The following FBN1 variants were observed in gnomAD, a reference collection of about 807,000 sequenced individuals.
FBN1 encodes the protein fibrillin-1.
FBN1 carries 29 observed loss-of-function variants against 365.1 expected under a neutral mutation model. The ratio of observed to expected loss-of-function variants is 0.08; its 90% confidence interval spans 0.06 to 0.11. FBN1 has a LOEUF of 0.11. FBN1 is among the 10% of genes least tolerant of loss of function. The pLI, the probability that FBN1 is intolerant of heterozygous loss-of-function variation, is 1.00. For missense variants in FBN1, 2,476 were observed against 3,703.2 expected, an observed-to-expected ratio of 0.67 and a Z score of 8.60; for synonymous variants, 1,210 against 1,270.5, an observed-to-expected ratio of 0.95 and a Z score of 1.01.
In FBN1 at chr15:48,456,869, T is replaced by TGTGTGTGTGTGTGC. The variant is rs371116530; in HGVS notation, c.5297-108_5297-107insGCACACACACACAC. On this transcript the variant is annotated intron_variant, in intron 43 of 65. Coordinates refer to ENST00000316623, the MANE Select transcript of FBN1 (RefSeq NM_000138.5). ...GTGTGTGTGTGTGTGTGTGTGTGTG[T>TGTGTGTGTGTGTGC]GTGCGTGCATGTGTTGGGGTGGTGG... 9.8e-5 allele frequency: 107 copies of TGTGTGTGTGTGTGC among 1,086,534 alleles called. No individual in the cohort carries two copies. The Middle Eastern group carries it at 3.3e-3, about 34-fold the overall frequency. 67.3% of individuals were successfully genotyped at this position (1,086,534 alleles called of 1,614,324 possible). A position where few individuals can be genotyped will look rare whatever the true frequency, so the allele number is the denominator to read the frequency against.
intron 2 of FBN1, among the ~76,000 whole-genome samples, chr15:48,629,232 T>A (rs1242511592): frequency 1.3e-5 from 2 of 152,230 alleles, no homozygotes; most frequent in African/African-American, 4.8e-5. Flanking sequence ...TATTTTGGAT[T>A]TACACCCTGG....
In FBN1 at chr15:48,644,643, T is replaced by C. The variant is rs751270801; in HGVS notation, c.127A>G (p.Lys43Glu). 1.2e-6 allele frequency: 2 copies of C among 1,614,000 alleles called. No homozygotes were observed. Among genetic ancestry groups the C allele is most frequent in the Non-Finnish European group, 1.7e-6 (2 of 1,180,016 alleles). ...NVKETRASRA[K>E]RRGGGGHDAL... ...TCGTGTCCTCCACCGCCTCTTCTCT[T>C]GGCCCGACTGGCTCTGGTTTCCTTC... is the stretch of plus-strand genomic sequence containing the variant. The change falls in exon 2 of 66, where the codon AAG becomes GAG. Residue 43 changes from lysine to glutamate, a missense_variant. By Grantham distance (56) the Lys-to-Glu change is moderately conservative. This residue lies in a region of FBN1 where 76 missense variants were observed against 85.4 expected (regional missense o/e 0.89). Transcript: ENST00000316623.
chr15:48,587,015 A>C (rs1234270209), intron 6 of FBN1, among the ~76,000 whole-genome samples: 2 of 152,164 alleles, frequency 1.3e-5, no homozygotes, highest in Admixed American at 6.5e-5. Flanking sequence ...GAGCTAACAA[A>C]CCCGATGCCT....
chr15:48,561,241 T>G (rs1037418668), intron 6 of FBN1, among the ~76,000 whole-genome samples: 1 of 152,218 alleles, frequency 6.6e-6, no homozygotes, highest in Admixed American at 6.5e-5. Flanking sequence ...CTCTGCCCTT[T>G]GGAAATGTTC....
chr15:48,456,341 A>G (rs1481988432), intron 44 of FBN1, among the ~76,000 whole-genome samples: 2 of 152,180 alleles, frequency 1.3e-5, no homozygotes, highest in African/African-American at 2.4e-5. Context: ...AACGAAAGCA[A>G]TCTATGTGAC....
At chr15:48,534,663 G>A (rs1447343791) in intron 7 of FBN1, among the ~76,000 whole-genome samples, 1 of 152,218 alleles carries the variant, frequency 6.6e-6, no homozygotes, top group Non-Finnish European at 1.5e-5. Flanking sequence ...GAGTGATTTA[G>A]TTAAAACGGA....
intron 4 of FBN1, among the ~76,000 whole-genome samples, chr15:48,608,215 T>C (rs533236345): frequency 9.8e-5 from 15 of 152,350 alleles, no homozygotes; most frequent in African/African-American, 3.4e-4. Flanking sequence ...ATTCTGTTCA[T>C]ATTCAAGTGG....
intron 44 of FBN1, among the ~76,000 whole-genome samples, chr15:48,452,927 A>C (rs1454793523): frequency 6.6e-6 from 1 of 152,224 alleles, no homozygotes; most frequent in African/African-American, 2.4e-5. Flanking sequence ...AGCACTAAAA[A>C]GAAATGAGCT....
At chr15:48,519,516 T>C (rs73394218) in intron 10 of FBN1, among the ~76,000 whole-genome samples, 2,715 of 152,318 alleles carry the variant, frequency 0.018, 68 homozygotes, top group African/African-American at 0.058. Context: ...GCCATAGTGA[T>C]AGTACCAGCC....
intron 6 of FBN1, among the ~76,000 whole-genome samples, chr15:48,573,412 A>T (rs571495525): frequency 6.6e-6 from 1 of 152,312 alleles, no homozygotes; most frequent in African/African-American, 2.4e-5. Flanking sequence ...ATCACAACAG[A>T]ATATAATAAA....
rs1404666140 is a variant in FBN1 at position 48,445,507 on chromosome 15, G to A, written c.5789-3C>T. On this transcript the variant is annotated splice_region_variant and splice_polypyrimidine_tract_variant and intron_variant, in intron 47 of 65. Coordinates refer to ENST00000316623, the MANE Select transcript of FBN1 (RefSeq NM_000138.5). ...TCCACTTGCACATTCATCAACATCT[G>A]CAGAAAAATCCCCAACAATCCTTTA... is the stretch of plus-strand genomic sequence containing the variant. 4.3e-6 allele frequency: 7 copies of A among 1,611,326 alleles called. No individual in the cohort carries two copies.
intron 50 of FBN1, 48 bp from the exon 51 acceptor site, chr15:48,437,965 C>G: frequency 6.3e-7 from 1 of 1,590,222 alleles, no homozygotes; most frequent in Non-Finnish European, 8.6e-7. Flanking sequence ...CTACTGAGTC[C>G]GTATTGCACC....
chr15:48,540,742 G>GAATTT (rs1443737281), intron 6 of FBN1, among the ~76,000 whole-genome samples: 2 of 152,112 alleles, frequency 1.3e-5, no homozygotes, highest in Non-Finnish European at 1.5e-5. Context: ...ACAAGAAAGA[G>GAATTT]AATTTAGGCT....
rs1456822662 is a variant in FBN1, at chr15:48,430,812, A to G, written c.6740-10T>C. The G allele has an allele frequency of 6.2e-7, 1 of 1,613,016 alleles. No individual in the cohort carries two copies. Among genetic ancestry groups the G allele is most frequent in the Non-Finnish European group, 8.5e-7 (1 of 1,179,622 alleles). ...TCACACTCATCCTCATCTGTAAAAA[A>G]TGTACAATCACAAATTTGTCAAAGA... On this transcript the variant is annotated splice_polypyrimidine_tract_variant and intron_variant, in intron 55 of 65. Coordinates refer to ENST00000316623, the MANE Select transcript of FBN1 (RefSeq NM_000138.5).
chr15:48,509,899 T>C (rs745719268), intron 14 of FBN1, 145 bp downstream of exon 14: 14 of 839,510 alleles, frequency 1.7e-5, no homozygotes, highest in African/African-American at 6.9e-5. Context: ...ATGAATATCA[T>C]GGAAAATTAG....
At chr15:48,530,608 A>T (rs2043962326) in intron 8 of FBN1, among the ~76,000 whole-genome samples, 1 of 151,944 alleles carries the variant, frequency 6.6e-6, no homozygotes, top group South Asian at 2.1e-4. Flanking sequence ...GTTACCTTGA[A>T]CAGTGAAAGT....
chr15:48,525,440 T>C (rs1392640415), intron 9 of FBN1, among the ~76,000 whole-genome samples: 2 of 152,174 alleles, frequency 1.3e-5, no homozygotes, highest in African/African-American at 2.4e-5. Flanking sequence ...ATACCTGACA[T>C]GGAAGTCTAA....
At chr15:48,579,278 C>T (rs1222179495) in intron 6 of FBN1, among the ~76,000 whole-genome samples, 6 of 151,996 alleles carry the variant, frequency 3.9e-5, no homozygotes, top group South Asian at 2.1e-4. Context: ...CATTTCTTGA[C>T]CCCCCAAAAA....
intron 17 of FBN1, among the ~76,000 whole-genome samples, chr15:48,501,847 T>C (rs1051839703): frequency 6.6e-6 from 1 of 152,208 alleles, no homozygotes; most frequent in Admixed American, 6.5e-5. Context: ...ATATTAATAA[T>C]ATACAACTAT....
Sources: gnomAD v4.1 joint callset for allele counts (sites outside exome capture counted in the v4.1 genomes callset) on GRCh38, gnomAD v4.1.1 for gene constraint, gnomAD v4.1.1 regional missense constraint, MANE v1.5 for transcripts, NCBI Gene and HGNC (gene_info 2026-07-23, HGNC 2026-07-21) for gene names.